RGS7: variants seen among roughly 807,000 people sequenced by gnomAD.
The protein encoded by RGS7 is regulator of G protein signaling 7.
Under a neutral mutation model 81.1 loss-of-function variants are expected in RGS7, and 27 were observed. That is an observed-to-expected ratio of 0.33 (90% CI 0.25 to 0.46). The LOEUF (loss-of-function observed/expected upper bound fraction) is 0.46, where lower values mean the gene tolerates loss of function less well. Ranked by LOEUF, RGS7 falls within the 20% of genes least tolerant of loss-of-function variation. The pLI, the probability that RGS7 is intolerant of heterozygous loss-of-function variation, is 1.00. For synonymous variants in RGS7, 208 were observed against 207.7 expected (o/e 1.00, Z -0.01); for missense variants, 396 against 607.4 (o/e 0.65, Z 3.66).
At chr1:241,233,073 C>T (rs1354864082) in intron 2 of RGS7, among the ~76,000 whole-genome samples, 1 of 152,084 alleles carries the variant, frequency 6.6e-6, no homozygotes. Context: ...AGCATCACTC[C>T]CCAGCACCCG....
In RGS7 at chr1:241,073,905, C is replaced by CT. The variant is rs200571282; in HGVS notation, c.175+24760dup. On this transcript the variant is annotated intron_variant, in intron 3 of 18. Coordinates refer to ENST00000440928, the MANE Select transcript of RGS7 (RefSeq NM_001364886.1). ...TCTTTCTGTCTTTGTCTCTTCGTTC[C>CT]TTTTTTTTTTTTTTTGATAGAGTCT... Among the ~76,000 whole-genome samples, 843 of 141,570 alleles carry CT rather than the reference C, an allele frequency of 6.0e-3. 6 individuals carry two copies. Among genetic ancestry groups the CT allele is most frequent in the Non-Finnish European group, 6.6e-3 (424 of 64,510 alleles). 92.9% of individuals were successfully genotyped at this position (141,570 alleles called of 152,430 possible).
At chr1:241,102,484 A>G (rs1226975752) in intron 2 of RGS7, among the ~76,000 whole-genome samples, 1 of 152,156 alleles carries the variant, frequency 6.6e-6, no homozygotes, top group African/African-American at 2.4e-5. Context: ...AAGACTCCAC[A>G]TTGATAATGT....
intron 2 of RGS7, among the ~76,000 whole-genome samples, chr1:241,191,666 G>T (rs954155516): frequency 1.2e-4 from 18 of 152,302 alleles, no homozygotes; most frequent in African/African-American, 4.1e-4. Flanking sequence ...AAGAGATTGT[G>T]AATTGGTGTT....
chr1:240,841,066 A>G (rs183942147), intron 9 of RGS7, among the ~76,000 whole-genome samples: 178 of 152,336 alleles, frequency 1.2e-3, no homozygotes, highest in African/African-American at 4.1e-3. Flanking sequence ...AAATACTCCA[A>G]TTCTTCAGTT....
chr1:240,933,093 A>G (rs182320643), intron 5 of RGS7, among the ~76,000 whole-genome samples: 1,925 of 150,154 alleles, frequency 0.013, 30 homozygotes, highest in Non-Finnish European at 0.018. Context: ...CGTGTTAGCC[A>G]GGATGGTCTC....
At chr1:241,338,973 C>T (rs773330011) in intron 2 of RGS7, among the ~76,000 whole-genome samples, 31 of 151,846 alleles carry the variant, frequency 2.0e-4, no homozygotes, top group African/African-American at 6.5e-4. Context: ...GGTGGTTTGC[C>T]GCACCTATCA....
chr1:241,041,943 C>T (rs1033733902), intron 3 of RGS7, among the ~76,000 whole-genome samples: 2 of 152,190 alleles, frequency 1.3e-5, no homozygotes, highest in East Asian at 1.9e-4. Context: ...ACTAGAGCAT[C>T]GTGGGCTGGC....
intron 2 of RGS7, among the ~76,000 whole-genome samples, chr1:241,339,068 C>G (rs192937946): frequency 6.6e-6 from 1 of 152,056 alleles, no homozygotes; most frequent in Non-Finnish European, 1.5e-5. Context: ...GGCCCCAGTG[C>G]GTGTCGTTCC....
At chr1:241,107,530 C>G (rs2065200752) in intron 2 of RGS7, among the ~76,000 whole-genome samples, 2 of 152,076 alleles carry the variant, frequency 1.3e-5, no homozygotes, top group Non-Finnish European at 2.9e-5. Context: ...TAATCAAACT[C>G]CTGTAACATA....
intron 4 of RGS7, among the ~76,000 whole-genome samples, chr1:240,978,646 C>A (rs368734525): frequency 6.6e-6 from 1 of 152,030 alleles, no homozygotes; most frequent in East Asian, 1.9e-4. Flanking sequence ...AAATAATAAT[C>A]GAGATGTAGA....
At chr1:241,330,650 G>A (rs553744069) in intron 2 of RGS7, among the ~76,000 whole-genome samples, 2 of 152,156 alleles carry the variant, frequency 1.3e-5, no homozygotes, top group Non-Finnish European at 2.9e-5. Flanking sequence ...CACTCTATTA[G>A]TCAAGCTACC....
chr1:240,827,891 G>C (rs1245082036), intron 9 of RGS7, among the ~76,000 whole-genome samples: 2 of 129,324 alleles, frequency 1.5e-5, no homozygotes, highest in East Asian at 2.1e-4. Context: ...AAAAAAAACA[G>C]GCTGTTATTA....
intron 3 of RGS7, among the ~76,000 whole-genome samples, chr1:241,017,670 T>C (rs1179170871): frequency 6.6e-6 from 1 of 152,166 alleles, no homozygotes; most frequent in East Asian, 1.9e-4. Flanking sequence ...TGAAAAGTCT[T>C]CTGTAATTCT....
chr1:241,324,475 G>A (rs1380118568), intron 2 of RGS7, among the ~76,000 whole-genome samples: 1 of 152,024 alleles, frequency 6.6e-6, no homozygotes, highest in East Asian at 1.9e-4. Context: ...TTCCCTTCAT[G>A]GAGACTTTAT....
intron 2 of RGS7, among the ~76,000 whole-genome samples, chr1:241,162,428 G>C (rs771658643): frequency 2.0e-5 from 3 of 152,170 alleles, no homozygotes; most frequent in Non-Finnish European, 4.4e-5. Flanking sequence ...CTGTACATGC[G>C]GACAGCCCGC....
chr1:241,067,255 G>A (rs2062116684), intron 3 of RGS7, among the ~76,000 whole-genome samples: 1 of 152,090 alleles, frequency 6.6e-6, no homozygotes. Context: ...GAAGTATAAG[G>A]ATTGTGTCTG....
intron 2 of RGS7, among the ~76,000 whole-genome samples, chr1:241,282,942 G>T (rs866303633): frequency 6.6e-6 from 1 of 151,814 alleles, no homozygotes; most frequent in Non-Finnish European, 1.5e-5. Flanking sequence ...ATTTGAAGTC[G>T]GTTCTTTATA....
At chr1:240,947,366 G>T (rs933755624) in intron 4 of RGS7, among the ~76,000 whole-genome samples, 1 of 152,142 alleles carries the variant, frequency 6.6e-6, no homozygotes, top group African/African-American at 2.4e-5. Flanking sequence ...ATCTCCACGT[G>T]AATATTGAAT....
chr1:241,264,521 C>G (rs2077489636), intron 2 of RGS7, among the ~76,000 whole-genome samples: 1 of 151,986 alleles, frequency 6.6e-6, no homozygotes, highest in Admixed American at 6.6e-5. Flanking sequence ...GACATTAATT[C>G]TATGTATTGA....
Sources: allele counts gnomAD v4.1 joint callset (sites outside exome capture counted in the v4.1 genomes callset), GRCh38; gene constraint gnomAD v4.1.1; transcripts MANE v1.5; gene names NCBI Gene and HGNC (gene_info 2026-07-23, HGNC 2026-07-21).